SLC71A2: variants seen among roughly 807,000 people sequenced by gnomAD.
The protein encoded by SLC71A2 is hippocampus abundant transcript-like 1.
chr9:94,379,322 G>A, the SLC71A2 span, among the ~76,000 whole-genome samples: 1 of 147,738 alleles, frequency 6.8e-6, no homozygotes, highest in African/African-American at 2.5e-5. Flanking sequence ...CTGACCTCAG[G>A]CGATCCACCT....
At chr9:94,399,781 G>C in the SLC71A2 span, among the ~76,000 whole-genome samples, 3 of 151,036 alleles carry the variant, frequency 2.0e-5, no homozygotes, top group South Asian at 6.3e-4. Context: ...GCCAATCACT[G>C]AGGTGAGTAT....
At chr9:94,377,552 T>TA in the SLC71A2 span, among the ~76,000 whole-genome samples, 25 of 119,394 alleles carry the variant, frequency 2.1e-4, no homozygotes, top group Admixed American at 1.8e-3. Context: ...TTTTTTTTTT[T>TA]TAATTTATTT....
chr9:94,441,230 A>G, the SLC71A2 span: 29 of 462,310 alleles, frequency 6.3e-5, no homozygotes, highest in African/African-American at 5.2e-4. Context: ...TGGGTAATTT[A>G]TAAAGAAAAG....
the SLC71A2 span, chr9:94,459,280 C>G: frequency 6.2e-7 from 1 of 1,614,130 alleles, no homozygotes; most frequent in Admixed American, 1.7e-5. Context: ...AACACAGTAA[C>G]AGCAGCAGCG....
the SLC71A2 span, among the ~76,000 whole-genome samples, chr9:94,450,088 AC>A: frequency 6.6e-6 from 1 of 152,332 alleles, no homozygotes; most frequent in Non-Finnish European, 1.5e-5. Flanking sequence ...AATGGCTGCT[AC>A]GTTTCTTTGA....
At chr9:94,432,907 CT>C in the SLC71A2 span, 1 of 392,968 alleles carries the variant, frequency 2.5e-6, no homozygotes, top group Non-Finnish European at 5.2e-6. Flanking sequence ...CAAGAGGATG[CT>C]CATACATCTT....
chr9:94,385,546 A>G, the SLC71A2 span, among the ~76,000 whole-genome samples: 5 of 152,062 alleles, frequency 3.3e-5, no homozygotes, highest in African/African-American at 1.2e-4. Flanking sequence ...TAATTTTAAT[A>G]TATGGTGTGA....
chr9:94,459,482 C>T, the SLC71A2 span: 2 of 1,555,802 alleles, frequency 1.3e-6, no homozygotes, highest in Non-Finnish European at 1.8e-6. Context: ...CCCCTGGTGA[C>T]TTCATGGTGC....
the SLC71A2 span, among the ~76,000 whole-genome samples, chr9:94,380,998 T>G: frequency 8.2e-6 from 1 of 121,802 alleles, no homozygotes; most frequent in South Asian, 3.1e-4. Flanking sequence ...GGCGATAATT[T>G]ATCTACTCTG....
chr9:94,460,680 T>G, the SLC71A2 span: 1 of 93,216 alleles, frequency 1.1e-5, no homozygotes, highest in African/African-American at 4.5e-5. Context: ...TAAAGGGTTT[T>G]AATTTTTTTT....
At chr9:94,459,578 T>C in the SLC71A2 span, 2 of 587,846 alleles carry the variant, frequency 3.4e-6, no homozygotes, top group Admixed American at 3.2e-5. Flanking sequence ...TCCTGTTTTT[T>C]TTTTTTCTCT....
At chr9:94,413,686 A>C in the SLC71A2 span, among the ~76,000 whole-genome samples, 15 of 150,324 alleles carry the variant, frequency 1.0e-4, no homozygotes, top group Non-Finnish European at 1.5e-4. Context: ...AAGCTAATTA[A>C]GAAACAACCC....
At chr9:94,377,361 C>CT in the SLC71A2 span, among the ~76,000 whole-genome samples, 2 of 141,226 alleles carry the variant, frequency 1.4e-5, no homozygotes, top group Non-Finnish European at 3.0e-5. Flanking sequence ...CAGCTGATAA[C>CT]TTTTTTCTTT....
At chr9:94,430,662 C>G in the SLC71A2 span, among the ~76,000 whole-genome samples, 10,408 of 152,106 alleles carry the variant, frequency 0.068, 450 homozygotes, top group Non-Finnish European at 0.1. Context: ...GCTGAAGATT[C>G]ATTTGATGAA....
chr9:94,405,539 C>T, the SLC71A2 span, among the ~76,000 whole-genome samples: 1 of 151,182 alleles, frequency 6.6e-6, no homozygotes, highest in East Asian at 1.9e-4. Flanking sequence ...TGCCATGTTG[C>T]CCAGACTGGA....
the SLC71A2 span, among the ~76,000 whole-genome samples, chr9:94,455,378 A>AT: frequency 0.16 from 13,825 of 85,302 alleles, 2,037 homozygotes; most frequent in Non-Finnish European, 0.22. Flanking sequence ...TAATATTCTG[A>AT]TTTTTTTTTT....
At chr9:94,434,170 A>G in the SLC71A2 span, among the ~76,000 whole-genome samples, 1 of 152,186 alleles carries the variant, frequency 6.6e-6, no homozygotes, top group Non-Finnish European at 1.5e-5. Flanking sequence ...TCTACATTAA[A>G]CTTAAATAGT....
At chr9:94,421,280 T>C in the SLC71A2 span, among the ~76,000 whole-genome samples, 1 of 152,348 alleles carries the variant, frequency 6.6e-6, no homozygotes, top group East Asian at 1.9e-4. Flanking sequence ...GTACAAATTA[T>C]AAATACACAG....
the SLC71A2 span, among the ~76,000 whole-genome samples, chr9:94,403,338 A>AT: frequency 2.0e-5 from 3 of 151,634 alleles, no homozygotes; most frequent in Non-Finnish European, 4.4e-5. Flanking sequence ...GGTTTGCACC[A>AT]TGTTGGCCAC....
Sources: gnomAD v4.1 joint callset for allele counts (sites outside exome capture counted in the v4.1 genomes callset) on GRCh38, gnomAD v4.1.1 for gene constraint, MANE v1.5 for transcripts, NCBI Gene and HGNC (gene_info 2026-07-23, HGNC 2026-07-21) for gene names.